ALDH1A2: variants seen among roughly 807,000 people sequenced by gnomAD.
ALDH1A2 encodes the protein retinal dehydrogenase 2.
In ALDH1A2, 27 loss-of-function variants were observed where a neutral mutation model predicts 60.3. The observed-to-expected ratio is 0.45, with a 90% CI of 0.33 to 0.62. The LOEUF (loss-of-function observed/expected upper bound fraction) is 0.62, where lower values mean the gene tolerates loss of function less well. ALDH1A2 is among the 20% of genes least tolerant of loss of function. ALDH1A2 has a pLI of 0.02. For missense variants in ALDH1A2, 581 were observed against 643.8 expected (o/e 0.90, Z 1.06); for synonymous variants, 289 against 232.4 (o/e 1.24, Z -2.21).
chr15:58,007,219 T>C (rs1895489202), intron 4 of ALDH1A2, among the ~76,000 whole-genome samples: 1 of 152,002 alleles, frequency 6.6e-6, no homozygotes, highest in South Asian at 2.1e-4. Flanking sequence ...AGGAACCTAA[T>C]CTTTTATTTC....
At chr15:58,058,236 G>A in intron 1 of ALDH1A2, 1 of 584,946 alleles carries the variant, frequency 1.7e-6, no homozygotes. Context: ...ACACATCTCA[G>A]TCTGGAAATC....
At chr15:58,043,839 TC>T in intron 1 of ALDH1A2, among the ~76,000 whole-genome samples, 1 of 152,122 alleles carries the variant, frequency 6.6e-6, no homozygotes, top group Non-Finnish European at 1.5e-5. Context: ...TGAATGAGAA[TC>T]TTTTTCTCGG....
At chr15:58,019,415 A>C (rs1025623902) in intron 1 of ALDH1A2, among the ~76,000 whole-genome samples, 1 of 152,222 alleles carries the variant, frequency 6.6e-6, no homozygotes, top group Non-Finnish European at 1.5e-5. Flanking sequence ...AGTTTACTGA[A>C]TTTCAGAATT....
At chr15:58,045,939 A>G (rs915650526) in intron 1 of ALDH1A2, among the ~76,000 whole-genome samples, 2 of 152,044 alleles carry the variant, frequency 1.3e-5, no homozygotes, top group Non-Finnish European at 2.9e-5. Context: ...CCACACATGC[A>G]TTTGAAAAAA....
chr15:58,032,183 T>G (rs1183784582), intron 1 of ALDH1A2, among the ~76,000 whole-genome samples: 6 of 151,982 alleles, frequency 3.9e-5, no homozygotes, highest in Middle Eastern at 3.4e-3. Flanking sequence ...CCATAAAAAA[T>G]GATGAGTTCA....
chr15:57,965,616 G>T, intron 8 of ALDH1A2, 109 bp downstream of exon 8: 1 of 877,846 alleles, frequency 1.1e-6, no homozygotes, highest in Non-Finnish European at 1.9e-6. Context: ...CTTTTTGATT[G>T]CCCTTAGCTT....
chr15:57,963,912 A>G lies in ALDH1A2; in HGVS notation c.1059T>C (p.Phe353=). The G allele has an allele frequency of 6.2e-7, 1 of 1,614,176 alleles. No homozygotes were observed. The highest frequency in any genetic ancestry group is 8.5e-7 in the Non-Finnish European group (1 of 1,180,020). ...GGGGACCCTGCTCAGTGGTGGGGTC[A>G]AAGGGACTCCCCACTACGCGCCTCT... ...RAKRRVVGSP[F]DPTTEQGPQI... is the part of the protein sequence containing the mutation. Residue 353 remains phenylalanine (F), a synonymous_variant, in exon 9 of 13, where the codon TTT becomes TTC. Transcript: ENST00000249750.
chr15:57,961,160 A>T lies in ALDH1A2; in HGVS notation c.1386T>A (p.Ser462=). ...NDINKALTVS[S]AMQAGTVWIN... is the part of the protein sequence containing the mutation. ...ACCAAACAGTCCCAGCTTGCATTGC[A>T]GAAGACACTGTGAGGGCCTTGTTGA... The change falls in exon 11 of 13, where the codon TCT becomes TCA. Residue 462 remains serine (S), a synonymous_variant. Transcript: ENST00000249750. The T allele has an allele frequency of 6.2e-7, 1 of 1,614,166 alleles. No homozygotes were observed. Among genetic ancestry groups the T allele is most frequent in the Non-Finnish European group, 8.5e-7 (1 of 1,180,014 alleles).
intron 1 of ALDH1A2, among the ~76,000 whole-genome samples, chr15:58,027,631 C>A (rs545691062): frequency 4.2e-4 from 64 of 152,162 alleles, no homozygotes; most frequent in Non-Finnish European, 8.7e-4. Context: ...TAACCCATCA[C>A]AAGAAATCTA....
At chr15:58,025,724 C>G (rs1896061780) in intron 1 of ALDH1A2, among the ~76,000 whole-genome samples, 1 of 152,142 alleles carries the variant, frequency 6.6e-6, no homozygotes, top group South Asian at 2.1e-4. Flanking sequence ...ATTCTGCAGG[C>G]CATATGAGAA....
chr15:58,009,484 C>T (rs1895560749), intron 4 of ALDH1A2, among the ~76,000 whole-genome samples: 1 of 151,682 alleles, frequency 6.6e-6, no homozygotes. Context: ...CTTCGAAGTC[C>T]TGAGCATTAC....
At chr15:58,010,571 G>T (rs1347965936) in intron 4 of ALDH1A2, 78 bp downstream of exon 4, 2 of 1,576,734 alleles carry the variant, frequency 1.3e-6, no homozygotes, top group Non-Finnish European at 1.7e-6. Context: ...CTGTGTGACT[G>T]CTGTTTGTGT....
intron 7 of ALDH1A2, among the ~76,000 whole-genome samples, chr15:57,981,295 C>G (rs1263617324): frequency 7.1e-6 from 1 of 141,276 alleles, no homozygotes. Context: ...AGCAAACACA[C>G]ACACACACAC....
At chr15:57,986,709 G>A (rs531299623) in intron 7 of ALDH1A2, among the ~76,000 whole-genome samples, 20 of 151,818 alleles carry the variant, frequency 1.3e-4, no homozygotes, top group Non-Finnish European at 1.6e-4. Flanking sequence ...TCTCACTCCC[G>A]TCGCCCAGGC....
intron 9 of ALDH1A2, among the ~76,000 whole-genome samples, chr15:57,962,855 T>A (rs1475701630): frequency 6.6e-6 from 1 of 152,172 alleles, no homozygotes; most frequent in Admixed American, 6.5e-5. Flanking sequence ...AACCCATGCT[T>A]TAGTGACCCA....
chr15:58,029,254 A>C (rs1437077940), intron 1 of ALDH1A2, among the ~76,000 whole-genome samples: 2 of 152,298 alleles, frequency 1.3e-5, no homozygotes, highest in East Asian at 1.9e-4. Context: ...TCAAAACCGC[A>C]TAACTACATG....
At chr15:58,064,717 T>C (rs1897127695) in intron 1 of ALDH1A2, among the ~76,000 whole-genome samples, 1 of 152,168 alleles carries the variant, frequency 6.6e-6, no homozygotes, top group African/African-American at 2.4e-5. Context: ...TACCCCTACG[T>C]TTGTAATCGA....
At chr15:58,006,368 G>A (rs192350538) in intron 4 of ALDH1A2, among the ~76,000 whole-genome samples, 105 of 152,130 alleles carry the variant, frequency 6.9e-4, no homozygotes, top group African/African-American at 2.3e-3. Flanking sequence ...TGTCAGAGTA[G>A]TATTCCATGG....
chr15:58,040,031 T>C (rs912977798), intron 1 of ALDH1A2, among the ~76,000 whole-genome samples: 6 of 151,820 alleles, frequency 4.0e-5, no homozygotes, highest in African/African-American at 1.5e-4. Flanking sequence ...ATAATAAAAT[T>C]TGGGAACAAC....
Sources: allele counts gnomAD v4.1 joint callset (sites outside exome capture counted in the v4.1 genomes callset), GRCh38; gene constraint gnomAD v4.1.1; transcripts MANE v1.5; gene names NCBI Gene and HGNC (gene_info 2026-07-23, HGNC 2026-07-21).